Variants in IFT140 observed in about 807,000 individuals in gnomAD.
IFT140 encodes the protein intraflagellar transport 140, also known as intraflagellar transport protein 140 homolog.
IFT140 carries 133 observed loss-of-function variants against 164.6 expected under a neutral mutation model. The observed-to-expected ratio is 0.81, with a 90% CI of 0.70 to 0.93. The LOEUF (loss-of-function observed/expected upper bound fraction) is 0.93. Among genes scored for constraint, IFT140 ranks in the 40% least tolerant of loss-of-function variants. The probability of loss-of-function intolerance (pLI) is 0.00; values close to 1 mark genes in which losing one functional copy is unlikely to be tolerated. For missense variants in IFT140, 2,045 were observed against 1,972.3 expected, an observed-to-expected ratio of 1.04 and a Z score of -0.70; for synonymous variants, 860 against 817.3, an observed-to-expected ratio of 1.05 and a Z score of -0.89.
At position 1,544,121 on chromosome 16, in the gene IFT140, G is replaced by A. The variant is rs571353199; in HGVS notation, c.2399+13814C>T. 4.7e-5 allele frequency among the ~76,000 whole-genome samples: 7 copies of A among 147,876 alleles called. No homozygotes were observed. The East Asian group carries it at 1.4e-3, about 30-fold the overall frequency. On this transcript the variant is annotated intron_variant, in intron 19 of 30. Transcript: ENST00000426508. ...CAACCTCTGCCTCCTGGGTTCAAGC[G>A]ATTCTCCTGCCTCAGCCTCCCGTGT... is the stretch of plus-strand genomic sequence containing the variant.
chr16:1,554,747 C>T (rs375428942), intron 19 of IFT140: 19 of 1,608,342 alleles, frequency 1.2e-5, no homozygotes, highest in Non-Finnish European at 1.5e-5. Context: ...GCCTTCCTCT[C>T]AGACAAGGCC....
At chr16:1,527,590 A>G (rs898604557) in intron 19 of IFT140, among the ~76,000 whole-genome samples, 1 of 152,078 alleles carries the variant, frequency 6.6e-6, no homozygotes, top group Non-Finnish European at 1.5e-5. Flanking sequence ...TTTGTTGTGT[A>G]AGACAGGGTC....
chr16:1,611,127 G>A (rs1489516925), intron 1 of IFT140, among the ~76,000 whole-genome samples: 9 of 152,350 alleles, frequency 5.9e-5, no homozygotes, highest in Admixed American at 5.9e-4. Context: ...GCTCGGCAGT[G>A]TCCTGAGGTG....
chr16:1,584,463 A>G (rs1005510940), intron 10 of IFT140, 43 bp from the exon 11 acceptor site: 9 of 1,497,090 alleles, frequency 6.0e-6, no homozygotes, highest in Non-Finnish European at 8.2e-6. Context: ...ATGTGTGAAC[A>G]GAGCAGGAGA....
chr16:1,517,519 C>T (rs527238646), intron 30 of IFT140, among the ~76,000 whole-genome samples: 1 of 152,094 alleles, frequency 6.6e-6, no homozygotes, highest in East Asian at 1.9e-4. Context: ...GTACTGTTCA[C>T]CCCCTAGGAT....
intron 18 of IFT140, among the ~76,000 whole-genome samples, chr16:1,559,911 T>C (rs1008914326): frequency 1.3e-5 from 2 of 152,206 alleles, no homozygotes; most frequent in Non-Finnish European, 2.9e-5. Flanking sequence ...CATACACGCC[T>C]GCTCTCTGGA....
intron 30 of IFT140, among the ~76,000 whole-genome samples, chr16:1,513,501 AAAG>A (rs1201210386): frequency 6.6e-6 from 1 of 151,904 alleles, no homozygotes; most frequent in Non-Finnish European, 1.5e-5. Flanking sequence ...CTGTCTCAGA[AAAG>A]AAAAAAGAAT....
rs750247837 is a variant in IFT140, at chr16:1,586,229, C to T, written c.1056G>A (p.Arg352=). 3.7e-6 allele frequency: 6 copies of T among 1,614,026 alleles called. No individual in the cohort carries two copies. Among genetic ancestry groups the T allele is most frequent in the South Asian group, 3.3e-5 (3 of 91,082 alleles). ...GTDRGRVAMW[R]KVPDFLGSPG... is the part of the protein sequence containing the mutation. ...GGCTGCCCAGGAAGTCTGGTACTTT[C>T]CTCCACATGGCTACTCGCCCTCTGT... The change falls in exon 10 of 31, where the codon AGG becomes AGA. Residue 352 remains arginine (R), a synonymous_variant. Coordinates refer to ENST00000426508, the MANE Select transcript of IFT140 (RefSeq NM_014714.4).
intron 4 of IFT140, among the ~76,000 whole-genome samples, chr16:1,601,627 C>G (rs560861465): frequency 6.6e-6 from 1 of 152,232 alleles, no homozygotes; most frequent in East Asian, 1.9e-4. Flanking sequence ...TGTCCTTGCA[C>G]TGTTCTTTCA....
intron 13 of IFT140, among the ~76,000 whole-genome samples, chr16:1,573,205 G>C (rs1191661315): frequency 6.6e-6 from 1 of 152,182 alleles, no homozygotes; most frequent in Non-Finnish European, 1.5e-5. Flanking sequence ...AATGCTTATG[G>C]AATGAGCAAG....
chr16:1,561,046 C>T (rs1323447058), intron 18 of IFT140, among the ~76,000 whole-genome samples: 1 of 152,240 alleles, frequency 6.6e-6, no homozygotes, highest in African/African-American at 2.4e-5. Flanking sequence ...GTGGGGCTCA[C>T]AGGCCGGCGC....
intron 19 of IFT140, among the ~76,000 whole-genome samples, chr16:1,536,550 G>C (rs1361132333): frequency 6.6e-6 from 1 of 152,244 alleles, no homozygotes; most frequent in African/African-American, 2.4e-5. Flanking sequence ...CGTCACGGAA[G>C]CTCCTTGTAA....
rs142807308 is a variant in IFT140, at chr16:1,603,641, C to T, written c.148-1050G>A. On this transcript the variant is annotated intron_variant, in intron 3 of 30. Transcript: ENST00000426508. ...CTGAGACTACAGGCGCGCCACCAAG[C>T]CCAGCTAATTTTTGTATTTTTAGTA... is the stretch of plus-strand genomic sequence containing the variant. Among the ~76,000 whole-genome samples, 801 of 152,216 alleles carry T rather than the reference C, an allele frequency of 5.3e-3. 7 individuals carry two copies. The highest frequency in any genetic ancestry group is 0.019 in the African/African-American group (774 of 41,532).
At chr16:1,594,463 T>C (rs2035349517) in intron 4 of IFT140, among the ~76,000 whole-genome samples, 1 of 152,140 alleles carries the variant, frequency 6.6e-6, no homozygotes, top group East Asian at 1.9e-4. Context: ...TCAAGCAATT[T>C]TCCCACCTCT....
chr16:1,516,418 A>T (rs978183102), intron 30 of IFT140, among the ~76,000 whole-genome samples: 5 of 152,152 alleles, frequency 3.3e-5, no homozygotes, highest in Non-Finnish European at 5.9e-5. Flanking sequence ...AACACTAGAA[A>T]TACAATGCAA....
chr16:1,538,247 G>A (rs1486700152), intron 19 of IFT140, among the ~76,000 whole-genome samples: 1 of 152,092 alleles, frequency 6.6e-6, no homozygotes, highest in African/African-American at 2.4e-5. Flanking sequence ...AGAGTGGCTT[G>A]TGGGGCACGG....
At chr16:1,562,168 T>C (rs937857053) in intron 17 of IFT140, 52 bp from the exon 18 acceptor site, 1 of 1,494,760 alleles carries the variant, frequency 6.7e-7, no homozygotes, top group Non-Finnish European at 8.9e-7. Flanking sequence ...CTTACATAAA[T>C]TTCTGGGGTA....
intron 21 of IFT140, 131 bp from the exon 22 acceptor site, chr16:1,525,457 GCTCT>G: frequency 1.4e-6 from 1 of 717,762 alleles, no homozygotes; most frequent in Non-Finnish European, 2.4e-6. Flanking sequence ...CTGGCCTGCA[GCTCT>G]GCAGACCCTG....
At chr16:1,572,579 G>T (rs1483201199) in intron 13 of IFT140, among the ~76,000 whole-genome samples, 1 of 152,188 alleles carries the variant, frequency 6.6e-6, no homozygotes, top group African/African-American at 2.4e-5. Context: ...CCGGGAGGTG[G>T]AGCTTGCAGT....
Sources: allele counts gnomAD v4.1 joint callset (sites outside exome capture counted in the v4.1 genomes callset), GRCh38; gene constraint gnomAD v4.1.1; transcripts MANE v1.5; gene names NCBI Gene and HGNC (gene_info 2026-07-23, HGNC 2026-07-21).